The following CHD1L variants were observed in gnomAD, a reference collection of about 807,000 sequenced individuals.
CHD1L encodes ATP-dependent chromatin remodeler CHD1L.
A neutral mutation model predicts 115.9 loss-of-function variants in CHD1L; 118 were observed. The ratio of observed to expected loss-of-function variants is 1.02; its 90% CI spans 0.88 to 1.19. CHD1L has a LOEUF of 1.19. CHD1L is among the 50% of genes most tolerant of loss of function. The pLI is 0.00. For missense variants in CHD1L, 1,179 were observed against 1,065.3 expected (o/e 1.11, Z -1.49); for synonymous variants, 411 against 387.1 (o/e 1.06, Z -0.72).
At chr1:147,278,788 C>A (rs782701814) in intron 14 of CHD1L, among the ~76,000 whole-genome samples, 2 of 152,216 alleles carry the variant, frequency 1.3e-5, no homozygotes, top group Non-Finnish European at 2.9e-5. Context: ...TAGACACTAT[C>A]TTTATCCCCA....
chr1:147,217,664 C>G, the CHD1L span, among the ~76,000 whole-genome samples: 1 of 152,214 alleles, frequency 6.6e-6, no homozygotes, highest in South Asian at 2.1e-4. Context: ...CTGCTAATAA[C>G]ATTTTCATAA....
chr1:147,260,621 A>G (rs1388616654), intron 6 of CHD1L: 2 of 152,338 alleles, frequency 1.3e-5, no homozygotes, highest in South Asian at 2.1e-4. Context: ...TCTTTGTGCA[A>G]TAGTAGATAT....
upstream of CHD1L, among the ~76,000 whole-genome samples, chr1:147,238,470 T>C (rs1329983607): frequency 2.0e-5 from 3 of 152,244 alleles, no homozygotes; most frequent in African/African-American, 7.2e-5. Flanking sequence ...ACAGTGTTAG[T>C]TGGTTAGCAT....
At chr1:147,186,441 A>G in the CHD1L span, 2 of 916,784 alleles carry the variant, frequency 2.2e-6, no homozygotes, top group Non-Finnish European at 2.6e-6. Flanking sequence ...ATCTCTCAGG[A>G]AACATATTTA....
At chr1:147,233,936 T>G in the CHD1L span, among the ~76,000 whole-genome samples, 150 of 152,078 alleles carry the variant, frequency 9.9e-4, no homozygotes, top group African/African-American at 2.9e-3. Flanking sequence ...TAATCTCAAG[T>G]ACCCAGGGAC....
Position 147,286,282 on chromosome 1 carries a change from C to T in CHD1L, c.2019-16C>T. On this transcript the variant is annotated splice_polypyrimidine_tract_variant and intron_variant, in intron 17 of 22. Coordinates refer to ENST00000369258, the MANE Select transcript of CHD1L (RefSeq NM_004284.6). The stretch of plus-strand genomic sequence containing the variant: ...ATTGTCTGGGTTAATTTCCTTTTGT[C>T]TCTGGCCTGCTAAAGGATGGCCTGG... 2 of 1,611,950 alleles carry T rather than the reference C, an allele frequency of 1.2e-6. No individual in the cohort carries two copies. The highest frequency in any genetic ancestry group is 4.5e-5 in the East Asian group (2 of 44,808).
the CHD1L span, among the ~76,000 whole-genome samples, chr1:147,227,826 A>G: frequency 6.6e-6 from 1 of 152,154 alleles, no homozygotes; most frequent in Non-Finnish European, 1.5e-5. Context: ...ATACAGTCTC[A>G]CCTCTACTCA....
chr1:147,184,669 A>G, the CHD1L span: 2 of 1,465,544 alleles, frequency 1.4e-6, no homozygotes, highest in Admixed American at 2.6e-5. The surrounding 1 kb of genome is among the most constrained non-coding windows in gnomAD (Gnocchi z 4.4). Context: ...ACAGAGAGGT[A>G]AAGTGGCCTT....
chr1:147,173,503 A>C, the CHD1L span: 1 of 152,316 alleles, frequency 6.6e-6, no homozygotes, highest in African/African-American at 2.4e-5. Flanking sequence ...GAAACCTCAG[A>C]AGAAATAAAA....
the CHD1L span, chr1:147,187,198 G>T: frequency 6.2e-6 from 10 of 1,613,998 alleles, no homozygotes; most frequent in East Asian, 2.2e-5. Context: ...CTCTTCCATG[G>T]TATCTATGTA....
At chr1:147,225,834 C>A in the CHD1L span, 1 of 152,202 alleles carries the variant, frequency 6.6e-6, no homozygotes, top group South Asian at 2.1e-4. Flanking sequence ...CCGGGAGCGT[C>A]GGCAGACTCG....
intron 22 of CHD1L, among the ~76,000 whole-genome samples, 200 bp from the exon 23 acceptor site, chr1:147,295,231 C>T (rs756076603): frequency 9.2e-5 from 14 of 152,072 alleles, no homozygotes; most frequent in Non-Finnish European, 2.1e-4. Flanking sequence ...TTGCACAATT[C>T]GAGCAGTATC....
chr1:147,271,217 C>T (rs781879268), intron 11 of CHD1L: 73 of 422,790 alleles, frequency 1.7e-4, no homozygotes, highest in Non-Finnish European at 2.7e-4. Context: ...GAAATAAACA[C>T]CCACGTTCCC....
intron 6 of CHD1L, chr1:147,261,072 G>A (rs1671754928): frequency 6.6e-6 from 1 of 152,178 alleles, no homozygotes; most frequent in Admixed American, 6.5e-5. Flanking sequence ...AGTTTTTAGA[G>A]TCTTAATGTA....
At chr1:147,178,261 G>C in the CHD1L span, 4 of 1,613,678 alleles carry the variant, frequency 2.5e-6, no homozygotes, top group African/African-American at 2.7e-5. Context: ...CCTCATGCTC[G>C]TCGAGTTCTT....
intron 15 of CHD1L, among the ~76,000 whole-genome samples, chr1:147,281,603 ATTC>A (rs1680867810): frequency 6.6e-6 from 1 of 152,090 alleles, no homozygotes; most frequent in African/African-American, 2.4e-5. Flanking sequence ...TCTTGTTTGT[ATTC>A]TTCAAGAACT....
chr1:147,266,811 A>G (rs1348686988), intron 8 of CHD1L, among the ~76,000 whole-genome samples: 3 of 152,248 alleles, frequency 2.0e-5, no homozygotes, highest in South Asian at 2.1e-4. Flanking sequence ...GGTAAGAACA[A>G]ATCTTCTGTC....
chr1:147,249,243 A>G (rs907042554), intron 1 of CHD1L, among the ~76,000 whole-genome samples: 2 of 151,830 alleles, frequency 1.3e-5, no homozygotes, highest in African/African-American at 4.8e-5. Context: ...ATGTTGTGGC[A>G]TTTCTTTCTG....
chr1:147,250,261 T>G (rs1667995365), intron 1 of CHD1L, among the ~76,000 whole-genome samples: 1 of 152,162 alleles, frequency 6.6e-6, no homozygotes, highest in African/African-American at 2.4e-5. Flanking sequence ...TTTCGTTCAG[T>G]TTGAAATCTT....
Sources: gnomAD v4.1 joint callset for allele counts (sites outside exome capture counted in the v4.1 genomes callset) on GRCh38, gnomAD v4.1.1 for gene constraint, Gnocchi (gnomAD v3.1) non-coding constraint, MANE v1.5 for transcripts, NCBI Gene and HGNC (gene_info 2026-07-23, HGNC 2026-07-21) for gene names.